SAMHD1: variants seen among roughly 807,000 people sequenced by gnomAD.
SAMHD1 encodes the protein deoxynucleoside triphosphate triphosphohydrolase SAMHD1.
Under a neutral mutation model 79.6 loss-of-function variants are expected in SAMHD1, and 54 were observed. That is an observed-to-expected ratio of 0.68 (90% confidence interval 0.55 to 0.85). The LOEUF (loss-of-function observed/expected upper bound fraction) is 0.85, where lower values mean the gene tolerates loss of function less well. Among genes scored for constraint, SAMHD1 ranks in the 40% least tolerant of loss-of-function variants. SAMHD1 has a pLI of 0.00. For synonymous variants in SAMHD1, 260 were observed against 264.1 expected, an observed-to-expected ratio of 0.98 and a Z score of 0.15; for missense variants, 663 against 782.7, an observed-to-expected ratio of 0.85 and a Z score of 1.82.
At chr20:36,914,802 TTCGAGA>T (rs1725346129) in intron 9 of SAMHD1, among the ~76,000 whole-genome samples, 1 of 151,532 alleles carries the variant, frequency 6.6e-6, no homozygotes, top group Non-Finnish European at 1.5e-5. Flanking sequence ...AGGTCAGAAG[TTCGAGA>T]CCAGCCTGGG....
chr20:36,935,053 T>C lies in SAMHD1; in HGVS notation c.485A>G (p.His162Arg). Residue 162 changes from histidine to arginine, a missense_variant, in exon 4 of 16, where the codon CAC becomes CGC. His to Arg is a conservative substitution (Grantham distance 29, BLOSUM62 0). Transcript: ENST00000646673. ...GGYYVFPGAS[H>R]NRFEHSLGVG... is the part of the protein sequence containing the mutation. Reference sequence around the variant, plus strand: ...CCCTAGACTATGCTCAAATCGATTGTGTGAAGCTCCTGGAAAAACATAGTA... The same window carrying C: ...CCCTAGACTATGCTCAAATCGATTGCGTGAAGCTCCTGGAAAAACATAGTA... 1.2e-6 allele frequency: 2 copies of C among 1,614,136 alleles called. No homozygotes were observed. The highest frequency in any genetic ancestry group is 1.7e-6 in the Non-Finnish European group (2 of 1,180,018).
At chr20:36,916,190 A>G (rs372645688) in intron 9 of SAMHD1, among the ~76,000 whole-genome samples, 96 of 152,228 alleles carry the variant, frequency 6.3e-4, no homozygotes, top group African/African-American at 2.0e-3. Flanking sequence ...CTCTGGAACC[A>G]AACTTTTTGG....
intron 13 of SAMHD1, among the ~76,000 whole-genome samples, chr20:36,902,052 G>A (rs1990315599): frequency 6.6e-6 from 1 of 152,164 alleles, no homozygotes; most frequent in Non-Finnish European, 1.5e-5. Context: ...CTACCTAATG[G>A]CCTATAGTTT....
chr20:36,924,284 GGGGAAAGAAAAGGAA>G (rs2063523497), intron 6 of SAMHD1, among the ~76,000 whole-genome samples: 2 of 149,066 alleles, frequency 1.3e-5, no homozygotes, highest in African/African-American at 2.5e-5. Context: ...GAAGGGGGAA[GGGGAAAGAAAAGGAA>G]GGGAAAGAAG....
chr20:36,935,634 G>A (rs1020628473), intron 3 of SAMHD1, among the ~76,000 whole-genome samples: 4 of 150,074 alleles, frequency 2.7e-5, no homozygotes, highest in African/African-American at 9.8e-5. Flanking sequence ...GCAGTGGCAC[G>A]ATCTCAGCTC....
Position 36,951,611 on chromosome 20 carries a change from C to T in SAMHD1, c.33G>A (p.Lys11=). MQRADSEQPS[K]RPRCDDSPRT... ...TCGGGCTGTCATCGCAACGGGGACG[C>T]TTGGAGGGCTGCTCGGAATCGGCTC... The change falls in exon 1 of 16, where the codon AAG becomes AAA. Residue 11 remains lysine, a synonymous_variant. Coordinates refer to ENST00000646673, the MANE Select transcript of SAMHD1 (RefSeq NM_015474.4). 6.2e-7 allele frequency: 1 copy of T among 1,614,082 alleles called. No individual in the cohort carries two copies. The highest frequency in any genetic ancestry group is 1.1e-5 in the South Asian group (1 of 91,090).
intron 9 of SAMHD1, among the ~76,000 whole-genome samples, chr20:36,914,316 A>G (rs1601127632): frequency 6.6e-6 from 1 of 152,094 alleles, no homozygotes; most frequent in African/African-American, 2.4e-5. Flanking sequence ...CACTTAATGA[A>G]TAGTAAATAT....
At chr20:36,897,584 A>T (rs1372566267) in intron 15 of SAMHD1, 1 of 566,228 alleles carries the variant, frequency 1.8e-6, no homozygotes, top group Non-Finnish European at 3.1e-6. Context: ...ACATGTTCAC[A>T]TTTTTATTAT....
In SAMHD1 at chr20:36,919,533, GC is replaced by G. The variant is rs779838418; in HGVS notation, c.697-15del. Reference sequence around the variant, plus strand: ...GCCTTGTTCATGCTAGGAAAAGTAAGCACAATATGATGTGTTAAAGATTCTA... The same window carrying G: ...GCCTTGTTCATGCTAGGAAAAGTAAGACAATATGATGTGTTAAAGATTCTA... On this transcript the variant is annotated splice_polypyrimidine_tract_variant and intron_variant, in intron 6 of 15. Coordinates refer to ENST00000646673, the MANE Select transcript of SAMHD1 (RefSeq NM_015474.4). 6.2e-7 allele frequency: 1 copy of G among 1,612,320 alleles called. No individual in the cohort carries two copies. The highest frequency in any genetic ancestry group is 1.3e-5 in the African/African-American group (1 of 74,980).
chr20:36,903,186 T>C (rs1336298009), intron 13 of SAMHD1, among the ~76,000 whole-genome samples: 4 of 152,120 alleles, frequency 2.6e-5, no homozygotes, highest in Non-Finnish European at 5.9e-5. Flanking sequence ...AAACTAGTGA[T>C]TTTACAGGGA....
intron 7 of SAMHD1, 133 bp from the exon 8 acceptor site, chr20:36,917,182 T>C (rs1181357883): frequency 1.5e-6 from 1 of 674,726 alleles, no homozygotes; most frequent in Non-Finnish European, 2.7e-6. Flanking sequence ...AACTAGAAGG[T>C]TCTATTCTTT....
chr20:36,948,179 T>A (rs1430758050), intron 1 of SAMHD1, among the ~76,000 whole-genome samples: 3 of 151,986 alleles, frequency 2.0e-5, no homozygotes, highest in Non-Finnish European at 2.9e-5. Flanking sequence ...CTGTATTCCA[T>A]AATGAGAAAA....
chr20:36,946,959 T>G (rs2063690790), intron 1 of SAMHD1, 155 bp from the exon 2 acceptor site: 2 of 529,140 alleles, frequency 3.8e-6, no homozygotes, highest in Non-Finnish European at 6.8e-6. Flanking sequence ...CTGCTACTTG[T>G]AAAGACTTAA....
chr20:36,928,671 C>G (rs528207193), intron 5 of SAMHD1, among the ~76,000 whole-genome samples: 60 of 146,642 alleles, frequency 4.1e-4, no homozygotes, highest in Non-Finnish European at 7.6e-4. Flanking sequence ...GGCAACAGAG[C>G]GAGATTCTGT....
At chr20:36,926,703 C>T (rs2063538429) in intron 6 of SAMHD1, among the ~76,000 whole-genome samples, 2 of 152,122 alleles carry the variant, frequency 1.3e-5, no homozygotes, top group South Asian at 2.1e-4. Context: ...AATTTTACTT[C>T]TCAAAAATTG....
intron 14 of SAMHD1, 132 bp downstream of exon 14, chr20:36,898,308 A>T: frequency 1.3e-6 from 1 of 747,620 alleles, no homozygotes; most frequent in African/African-American, 1.7e-5. Context: ...GATTACAGGT[A>T]TGAGCTACTG....
At chr20:36,951,188 C>T (rs1313920540) in intron 1 of SAMHD1, among the ~76,000 whole-genome samples, 1 of 152,214 alleles carries the variant, frequency 6.6e-6, no homozygotes, top group Non-Finnish European at 1.5e-5. Flanking sequence ...TCTTCCTCCG[C>T]CTCGGGGAGT....
chr20:36,929,517 T>C (rs2063555749), intron 5 of SAMHD1, among the ~76,000 whole-genome samples: 1 of 152,006 alleles, frequency 6.6e-6, no homozygotes, highest in Admixed American at 6.6e-5. Context: ...GGTGAATCAC[T>C]TGAGGTCAGG....
chr20:36,893,115 A>C, intron 15 of SAMHD1, 49 bp from the exon 16 acceptor site: 1 of 1,604,398 alleles, frequency 6.2e-7, no homozygotes, highest in Non-Finnish European at 8.5e-7. Context: ...GCCAGTTTCC[A>C]TCATCTTATT....
Sources: gnomAD v4.1 joint callset for allele counts (sites outside exome capture counted in the v4.1 genomes callset) on GRCh38, gnomAD v4.1.1 for gene constraint, MANE v1.5 for transcripts, NCBI Gene and HGNC (gene_info 2026-07-23, HGNC 2026-07-21) for gene names.